The following PTER variants were observed in gnomAD, a reference collection of about 807,000 sequenced individuals.
PTER encodes phosphotriesterase related, also known as N-acetyltaurine hydrolase.
PTER carries 38 observed loss-of-function variants against 29.6 expected under a neutral mutation model. The observed-to-expected ratio is 1.28, with a 90% CI of 0.99 to 1.68. The LOEUF (loss-of-function observed/expected upper bound fraction) is 1.68, where lower values mean the gene tolerates loss of function less well. Among genes scored for constraint, PTER ranks in the 40% most tolerant of loss-of-function variants. The probability of loss-of-function intolerance (pLI) is 0.00; values close to 1 mark genes in which losing one functional copy is unlikely to be tolerated. For synonymous variants in PTER, 172 were observed against 154.5 expected, an observed-to-expected ratio of 1.11 and a Z score of -0.84; for missense variants, 482 against 427.8, an observed-to-expected ratio of 1.13 and a Z score of -1.12.
At chr10:16,514,929 A>T (rs1397036280), downstream of PTER, among the ~76,000 whole-genome samples, 1 of 152,122 alleles carries the variant, frequency 6.6e-6, no homozygotes, top group African/African-American at 2.4e-5. Flanking sequence ...TTCAGTGGGG[A>T]CCATTCTGGC....
chr10:16,485,369 G>A (rs1040446602), intron 2 of PTER, among the ~76,000 whole-genome samples: 2 of 152,208 alleles, frequency 1.3e-5, no homozygotes, highest in African/African-American at 4.8e-5. Context: ...AGAATGGGCA[G>A]AAGGAAGTAA....
intron 3 of PTER, among the ~76,000 whole-genome samples, chr10:16,496,782 TCAA>T: frequency 6.6e-6 from 1 of 152,276 alleles, no homozygotes; most frequent in South Asian, 2.1e-4. Flanking sequence ...AAGTAGGTGA[TCAA>T]CAATTTCTTG....
At chr10:16,473,536 A>C (rs967125750) in intron 1 of PTER, among the ~76,000 whole-genome samples, 2 of 150,748 alleles carry the variant, frequency 1.3e-5, no homozygotes, top group African/African-American at 4.9e-5. Flanking sequence ...AAAAAAAAAA[A>C]AAAAAAAAAA....
chr10:16,463,353 G>A (rs567720987), intron 1 of PTER, among the ~76,000 whole-genome samples: 1 of 152,278 alleles, frequency 6.6e-6, no homozygotes, highest in East Asian at 1.9e-4. Flanking sequence ...GGATTATCAT[G>A]ATAAATTGGG....
intron 1 of PTER, among the ~76,000 whole-genome samples, chr10:16,477,302 G>GATAGATAGATA (rs1187346995): frequency 7.5e-5 from 6 of 80,516 alleles, no homozygotes; most frequent in Non-Finnish European, 6.5e-5. Flanking sequence ...ATAGATAGAT[G>GATAGATAGATA]GATGTCTGTC....
At chr10:16,472,515 T>C (rs919610343) in intron 1 of PTER, among the ~76,000 whole-genome samples, 1 of 152,152 alleles carries the variant, frequency 6.6e-6, no homozygotes, top group Admixed American at 6.6e-5. Flanking sequence ...GCCATGTAAG[T>C]CATGGCTTTG....
Position 16,484,326 on chromosome 10 carries a change from T to C in PTER, c.-48-11T>C. 1.4e-6 allele frequency: 2 copies of C among 1,437,386 alleles called. No homozygotes were observed. Among genetic ancestry groups the C allele is most frequent in the Non-Finnish European group, 1.9e-6 (2 of 1,061,046 alleles). The allele number at this position is 1,437,386 out of a possible 1,614,324, so 89.0% of individuals were successfully genotyped here. On this transcript the variant is annotated splice_polypyrimidine_tract_variant and intron_variant, in intron 1 of 4. Transcript: ENST00000535784. ...CTGATTGTAGTTGTTTGTTTGTTTG[T>C]TTGTTTTTAGAAAAAAGAAATCCTC...
intron 1 of PTER, chr10:16,476,097 A>T (rs1835250103): frequency 6.6e-6 from 1 of 151,878 alleles, no homozygotes; most frequent in Non-Finnish European, 1.5e-5. Flanking sequence ...TATTATTATT[A>T]TTTTGAGATG....
At chr10:16,468,761 T>G (rs1272745481) in intron 1 of PTER, among the ~76,000 whole-genome samples, 4 of 151,796 alleles carry the variant, frequency 2.6e-5, no homozygotes, top group African/African-American at 9.7e-5. Context: ...ATCCCTTGAG[T>G]CCAGGAGTTC....
downstream of PTER, among the ~76,000 whole-genome samples, chr10:16,517,838 C>T (rs1000578398): frequency 2.6e-5 from 4 of 152,114 alleles, no homozygotes; most frequent in African/African-American, 7.2e-5. Flanking sequence ...TTTCATTGTA[C>T]TTCTGTGGAA....
intron 1 of PTER, 123 bp from the exon 2 acceptor site, chr10:16,484,214 A>T: frequency 1.6e-6 from 1 of 613,426 alleles, no homozygotes; most frequent in Non-Finnish European, 2.8e-6. Flanking sequence ...TCGTATCTCT[A>T]GTTTTATTGA....
intron 1 of PTER, among the ~76,000 whole-genome samples, chr10:16,458,988 C>G (rs1427182654): frequency 1.3e-5 from 2 of 152,076 alleles, no homozygotes; most frequent in African/African-American, 4.8e-5. Flanking sequence ...TATTCAAAAT[C>G]AGACAGAACA....
chr10:16,454,437 G>A (rs543366902), intron 1 of PTER, among the ~76,000 whole-genome samples: 117 of 151,984 alleles, frequency 7.7e-4, no homozygotes, highest in African/African-American at 2.6e-3. Flanking sequence ...TTAGCCAGGC[G>A]TGGTGGTGCA....
chr10:16,471,579 A>T (rs1411526693), intron 1 of PTER, among the ~76,000 whole-genome samples: 1 of 152,234 alleles, frequency 6.6e-6, no homozygotes, highest in Non-Finnish European at 1.5e-5. Flanking sequence ...ATAAATTTTT[A>T]TCGTATTTAA....
intron 1 of PTER, among the ~76,000 whole-genome samples, chr10:16,462,934 C>T (rs186537431): frequency 2.0e-4 from 30 of 151,726 alleles, no homozygotes; most frequent in African/African-American, 6.3e-4. Context: ...TGAGTCACGC[C>T]TGTAACCCCA....
intron 3 of PTER, among the ~76,000 whole-genome samples, chr10:16,497,903 C>T (rs1836174159): frequency 6.6e-6 from 1 of 151,750 alleles, no homozygotes; most frequent in Non-Finnish European, 1.5e-5. Flanking sequence ...AATAAAGAGC[C>T]GAATCACTTT....
At chr10:16,495,999 G>A (rs965197062) in intron 3 of PTER, among the ~76,000 whole-genome samples, 1 of 152,136 alleles carries the variant, frequency 6.6e-6, no homozygotes, top group African/African-American at 2.4e-5. Context: ...CTCCTCCTGC[G>A]TGGCTGTCCC....
chr10:16,467,055 T>A (rs1460875935), intron 1 of PTER, among the ~76,000 whole-genome samples: 6 of 152,228 alleles, frequency 3.9e-5, no homozygotes, highest in African/African-American at 1.4e-4. Context: ...CACTTGCTGT[T>A]ATTTTTTTAT....
chr10:16,447,651 C>G (rs1158548425), intron 1 of PTER, among the ~76,000 whole-genome samples: 1 of 152,112 alleles, frequency 6.6e-6, no homozygotes, highest in Non-Finnish European at 1.5e-5. Context: ...TATGCGAAAG[C>G]TTTGTAAGTG....
Sources: allele counts gnomAD v4.1 joint callset (sites outside exome capture counted in the v4.1 genomes callset), GRCh38; gene constraint gnomAD v4.1.1; transcripts MANE v1.5; gene names NCBI Gene and HGNC (gene_info 2026-07-23, HGNC 2026-07-21).